The following GPATCH1 variants were observed in gnomAD, a reference collection of about 807,000 sequenced individuals.
The protein encoded by GPATCH1 is G patch domain-containing protein 1.
Under a neutral mutation model 114.9 loss-of-function variants are expected in GPATCH1, and 73 were observed. The observed-to-expected ratio is 0.64, with a 90% CI of 0.53 to 0.77. The LOEUF is 0.77. Ranked by LOEUF, GPATCH1 falls within the 30% of genes least tolerant of loss-of-function variation. GPATCH1 has a pLI of 0.00. For missense variants in GPATCH1, 1,058 were observed against 1,144.3 expected (o/e 0.92, Z 1.09); for synonymous variants, 391 against 428.4 (o/e 0.91, Z 1.08).
intron 1 of GPATCH1, among the ~76,000 whole-genome samples, chr19:33,087,419 C>T (rs539553542): frequency 6.6e-6 from 1 of 152,166 alleles, no homozygotes; most frequent in Admixed American, 6.6e-5. Flanking sequence ...GATGTCTCAA[C>T]CCAGCCCTTT....
At chr19:33,113,432 ACTCAAT>A (rs1300059255) in intron 13 of GPATCH1, 1 of 208,374 alleles carries the variant, frequency 4.8e-6, no homozygotes, top group African/African-American at 2.4e-5. Flanking sequence ...ACAAGGCGAG[ACTCAAT>A]CTCAAGAGAA....
In GPATCH1 at chr19:33,096,466, T is replaced by C. The variant is rs766060758; in HGVS notation, c.852+20T>C. On this transcript the variant is annotated intron_variant, in intron 7 of 19. Transcript: ENST00000170564. ...GGCCAGGTAAAATTATTTTCTATTT[T>C]ATAAAGGGGGAGTCATTGATAAATG... is the stretch of plus-strand genomic sequence containing the variant. The C allele has an allele frequency of 6.3e-7, 1 of 1,588,046 alleles. No individual in the cohort carries two copies. Among genetic ancestry groups the C allele is most frequent in the Non-Finnish European group, 8.6e-7 (1 of 1,162,378 alleles).
Position 33,088,146 on chromosome 19 carries a change from A to C in GPATCH1, c.86A>C (p.Lys29Thr). 6.5e-7 allele frequency: 1 copy of C among 1,534,320 alleles called. No homozygotes were observed. Among genetic ancestry groups the C allele is most frequent in the Non-Finnish European group, 8.7e-7 (1 of 1,145,062 alleles). Reference sequence around the variant, plus strand: ...TTTTTTTTTTTAGGTGAAAGACCAAAGAAACCAATCCCTCTTCAGGATCAG... The same window carrying C: ...TTTTTTTTTTTAGGTGAAAGACCAACGAAACCAATCCCTCTTCAGGATCAG... ...LEPLEEGERP[K>T]KPIPLQDQTV... The change falls in exon 2 of 20, where the codon AAG becomes ACG. Residue 29 changes from lysine to threonine, a missense_variant. This residue lies in a region of GPATCH1 where 131 missense variants were observed against 107.2 expected (regional missense o/e 1.22). Coordinates refer to ENST00000170564, the MANE Select transcript of GPATCH1 (RefSeq NM_018025.3).
At chr19:33,094,295 T>C in intron 5 of GPATCH1, 26 bp downstream of exon 5, 1 of 1,218,966 alleles carries the variant, frequency 8.2e-7, no homozygotes. Flanking sequence ...GATTAACTGT[T>C]ATCACTGCTG....
At chr19:33,095,257 G>GTTT (rs940614947) in intron 5 of GPATCH1, among the ~76,000 whole-genome samples, 138 of 109,224 alleles carry the variant, frequency 1.3e-3, no homozygotes, top group Non-Finnish European at 1.8e-3. Flanking sequence ...TATCAGTGAG[G>GTTT]TTTTTTTTTT....
chr19:33,097,038 C>T (rs992167425), intron 7 of GPATCH1, among the ~76,000 whole-genome samples: 5 of 151,250 alleles, frequency 3.3e-5, no homozygotes, highest in Non-Finnish European at 7.4e-5. Flanking sequence ...CTCCACCTCC[C>T]GGGTTGAAGC....
intron 9 of GPATCH1, among the ~76,000 whole-genome samples, chr19:33,105,384 C>T (rs1326031901): frequency 6.9e-6 from 1 of 143,974 alleles, no homozygotes; most frequent in Admixed American, 7.0e-5. Flanking sequence ...TGCACTGCAG[C>T]CTGGATGACA....
intron 3 of GPATCH1, 59 bp from the exon 4 acceptor site, chr19:33,093,300 T>G: frequency 9.3e-7 from 1 of 1,079,336 alleles, no homozygotes; most frequent in Non-Finnish European, 1.4e-6. Context: ...TAAAACTATG[T>G]GATGTATTGT....
chr19:33,123,853 C>CT (rs1973011536), intron 17 of GPATCH1, among the ~76,000 whole-genome samples: 1 of 148,040 alleles, frequency 6.8e-6, no homozygotes, highest in Admixed American at 6.7e-5. Flanking sequence ...TTTTTTTTTT[C>CT]TTTTTTTCTT....
chr19:33,113,825 C>T lies in GPATCH1; in HGVS notation c.1951C>T (p.Leu651=). 1 of 1,613,848 alleles carries T rather than the reference C, an allele frequency of 6.2e-7. No individual in the cohort carries two copies. Among genetic ancestry groups the T allele is most frequent in the Non-Finnish European group, 8.5e-7 (1 of 1,179,748 alleles). ...KRDKYSVFNF[L]TLPETASLPT... ...TGACAAGTACTCAGTCTTCAACTTT[C>T]TGACGCTCCCAGAGACAGCTTCCTT... is the stretch of plus-strand genomic sequence containing the variant. Residue 651 remains leucine, a synonymous_variant, in exon 14 of 20, where the codon CTG becomes TTG. Transcript: ENST00000170564.
chr19:33,099,795 A>G, intron 8 of GPATCH1, among the ~76,000 whole-genome samples: 1 of 133,848 alleles, frequency 7.5e-6, no homozygotes, highest in African/African-American at 2.8e-5. Context: ...TTGAAGAAGG[A>G]ATTTCCCTCT....
At chr19:33,100,586 C>CAAA (rs10609716) in intron 8 of GPATCH1, among the ~76,000 whole-genome samples, 18 of 62,148 alleles carry the variant, frequency 2.9e-4, no homozygotes, top group East Asian at 4.3e-4. Flanking sequence ...GACTCCATCT[C>CAAA]AAAAAAAAAA....
chr19:33,119,209 G>T, intron 17 of GPATCH1, 92 bp downstream of exon 17: 1 of 605,956 alleles, frequency 1.7e-6, no homozygotes, highest in Non-Finnish European at 2.8e-6. Context: ...CCAAACATAC[G>T]TGCTTGCTTC....
chr19:33,114,021 C>A, intron 14 of GPATCH1, 118 bp downstream of exon 14: 23 of 910,850 alleles, frequency 2.5e-5, no homozygotes, highest in Non-Finnish European at 3.5e-5. Context: ...ATTCTCCCTC[C>A]ATTGAGGGAA....
chr19:33,095,964 T>G, intron 6 of GPATCH1, 144 bp downstream of exon 6: 1 of 758,730 alleles, frequency 1.3e-6, no homozygotes, highest in East Asian at 2.5e-5. Context: ...ATCCTCATTA[T>G]ATCAGCATAC....
chr19:33,117,165 C>T (rs1972925440), intron 15 of GPATCH1, among the ~76,000 whole-genome samples: 3 of 152,128 alleles, frequency 2.0e-5, no homozygotes, highest in Admixed American at 1.3e-4. Flanking sequence ...CATTGCTTTC[C>T]AGCCTGGGTG....
rs376707938 is a variant in GPATCH1, at chr19:33,096,251, C to A, written c.657C>A (p.Pro219=). ...DYLPDNVTFA[P]KDVTPVDFTP... ...TGCCTGATAATGTGACCTTTGCACCCAAAGATGTCACACCTGTGGATTTCA... is the reference window on the plus strand; with the variant it reads ...TGCCTGATAATGTGACCTTTGCACCAAAAGATGTCACACCTGTGGATTTCA... The change falls in exon 7 of 20, where the codon CCC becomes CCA. Residue 219 remains proline, a synonymous_variant. Coordinates refer to ENST00000170564, the MANE Select transcript of GPATCH1 (RefSeq NM_018025.3). 1 of 1,613,046 alleles carries A rather than the reference C, an allele frequency of 6.2e-7. No individual in the cohort carries two copies. Among genetic ancestry groups the A allele is most frequent in the Non-Finnish European group, 8.5e-7 (1 of 1,179,160 alleles).
intron 2 of GPATCH1, 133 bp downstream of exon 2, chr19:33,088,401 G>A (rs1972558107): frequency 7.9e-6 from 5 of 633,934 alleles, no homozygotes; most frequent in South Asian, 4.2e-5. Flanking sequence ...CTGGAGTGCT[G>A]TTGTGTGATC....
chr19:33,082,118 T>A (rs1972484915), intron 1 of GPATCH1, among the ~76,000 whole-genome samples: 1 of 118,006 alleles, frequency 8.5e-6, no homozygotes, highest in Admixed American at 1.2e-4. Context: ...GTGGCATGGA[T>A]GGGACAGCAG....
Sources: allele counts gnomAD v4.1 joint callset (sites outside exome capture counted in the v4.1 genomes callset), GRCh38; gene constraint gnomAD v4.1.1; regional missense constraint gnomAD v4.1.1; transcripts MANE v1.5; gene names NCBI Gene and HGNC (gene_info 2026-07-23, HGNC 2026-07-21).